UQCC1: variants seen among roughly 807,000 people sequenced by gnomAD.
UQCC1 encodes the protein ubiquinol-cytochrome c reductase complex assembly factor 1, also known as bFGF-repressed Zic-binding protein.
Under a neutral mutation model 48.0 loss-of-function variants are expected in UQCC1, and 38 were observed. That is an observed-to-expected ratio of 0.79 (90% confidence interval 0.61 to 1.04). UQCC1 has a LOEUF of 1.04. Ranked by LOEUF, UQCC1 falls within the 50% of genes least tolerant of loss-of-function variation. The pLI, the probability that UQCC1 is intolerant of heterozygous loss-of-function variation, is 0.00. For missense variants in UQCC1, 368 were observed against 381.8 expected (o/e 0.96, Z 0.30); for synonymous variants, 111 against 129.2 (o/e 0.86, Z 0.95).
intron 5 of UQCC1, among the ~76,000 whole-genome samples, chr20:35,372,197 A>AG (rs2061740976): frequency 6.6e-6 from 1 of 151,886 alleles, no homozygotes; most frequent in Non-Finnish European, 1.5e-5. Context: ...CTGTAATCCC[A>AG]GCTACTTGGG....
intron 2 of UQCC1, among the ~76,000 whole-genome samples, chr20:35,386,122 G>T (rs1464857790): frequency 6.6e-6 from 1 of 151,964 alleles, no homozygotes; most frequent in Non-Finnish European, 1.5e-5. Flanking sequence ...TGACTGCGTA[G>T]ACTGCATATG....
intron 8 of UQCC1, among the ~76,000 whole-genome samples, chr20:35,311,484 A>G (rs2060993857): frequency 6.6e-6 from 1 of 152,190 alleles, no homozygotes; most frequent in South Asian, 2.1e-4. Flanking sequence ...ATTTTATTTA[A>G]TTAATTTAAA....
intron 7 of UQCC1, among the ~76,000 whole-genome samples, chr20:35,332,786 C>CTCCAATGT (rs1248334893): frequency 6.6e-6 from 1 of 152,188 alleles, no homozygotes; most frequent in Non-Finnish European, 1.5e-5. Context: ...AAGAGAATGT[C>CTCCAATGT]CTCCAAACTC....
Position 35,366,544 on chromosome 20 carries a change from A to C in UQCC1, c.464+13T>G. Reference sequence around the variant, plus strand: ...AAATACATTTGGTGACTTCATTTAAATTGCTCACTTACCAGACGTGGAGTA... The same window carrying C: ...AAATACATTTGGTGACTTCATTTAACTTGCTCACTTACCAGACGTGGAGTA... On this transcript the variant is annotated intron_variant, in intron 6 of 9. Coordinates refer to ENST00000374385, the MANE Select transcript of UQCC1 (RefSeq NM_018244.5). 6.2e-7 allele frequency: 1 copy of C among 1,613,032 alleles called. No homozygotes were observed. The highest frequency in any genetic ancestry group is 8.5e-7 in the Non-Finnish European group (1 of 1,179,140).
intron 7 of UQCC1, among the ~76,000 whole-genome samples, chr20:35,318,934 A>G (rs1445820218): frequency 1.3e-5 from 2 of 152,148 alleles, no homozygotes; most frequent in Non-Finnish European, 2.9e-5. Context: ...ATCATTCTAT[A>G]TGGAGCACTC....
chr20:35,329,764 A>C (rs951379387), intron 7 of UQCC1, among the ~76,000 whole-genome samples: 1 of 152,218 alleles, frequency 6.6e-6, no homozygotes, highest in African/African-American at 2.4e-5. Context: ...TTAAGCCCAC[A>C]GGAGAAAAGA....
Position 35,352,774 on chromosome 20 carries a change from T to C in UQCC1, c.465-5502A>G, listed in dbSNP as rs186679880. ...CACATCTCACTGTAACCTCAAACTCTTGGACTCAAGCTATCCTCCTGCCTC... is the reference window on the plus strand; with the variant it reads ...CACATCTCACTGTAACCTCAAACTCCTGGACTCAAGCTATCCTCCTGCCTC... On this transcript the variant is annotated intron_variant, in intron 6 of 9. Transcript: ENST00000374385. Among the ~76,000 whole-genome samples, 332 of 152,292 alleles carry C rather than the reference T, an allele frequency of 2.2e-3. 12 individuals are homozygous for C. In the South Asian group the frequency reaches 0.048, roughly 22 times the overall value.
At chr20:35,310,690 C>A (rs1432498888) in intron 8 of UQCC1, among the ~76,000 whole-genome samples, 2 of 123,828 alleles carry the variant, frequency 1.6e-5, no homozygotes, top group Non-Finnish European at 1.6e-5. Context: ...TGGAAAGCTG[C>A]AGATTTTTTT....
At chr20:35,324,610 G>A (rs4911175) in intron 7 of UQCC1, among the ~76,000 whole-genome samples, 10,188 of 152,306 alleles carry the variant, frequency 0.067, 490 homozygotes, top group East Asian at 0.17. Flanking sequence ...ACAGGCGTGA[G>A]CCACCGCACC....
At chr20:35,318,103 G>C (rs2061083162) in intron 7 of UQCC1, among the ~76,000 whole-genome samples, 1 of 152,198 alleles carries the variant, frequency 6.6e-6, no homozygotes, top group South Asian at 2.1e-4. Flanking sequence ...GATGATATCA[G>C]AGGTGTCAAA....
chr20:35,337,227 C>T (rs947319593), intron 7 of UQCC1, among the ~76,000 whole-genome samples: 119 of 150,422 alleles, frequency 7.9e-4, no homozygotes, highest in African/African-American at 2.7e-3. Flanking sequence ...CTTGCTCTGT[C>T]GCCCAGGCTA....
chr20:35,339,152 C>T (rs1424519457), intron 7 of UQCC1, among the ~76,000 whole-genome samples: 2 of 151,770 alleles, frequency 1.3e-5, no homozygotes, highest in African/African-American at 2.4e-5. Flanking sequence ...CAGAGAAGAT[C>T]ATTCTTCAGT....
chr20:35,397,241 C>T (rs544738166), intron 1 of UQCC1, among the ~76,000 whole-genome samples: 7 of 150,000 alleles, frequency 4.7e-5, no homozygotes, highest in African/African-American at 1.5e-4. Flanking sequence ...TCAGGCCGGG[C>T]GCGGTAGCTC....
chr20:35,385,487 GT>G (rs2061930663), intron 2 of UQCC1, among the ~76,000 whole-genome samples: 1 of 152,084 alleles, frequency 6.6e-6, no homozygotes, highest in Non-Finnish European at 1.5e-5. Flanking sequence ...TTTTTGTTTT[GT>G]TTTTGTTGTT....
At position 35,411,791 on chromosome 20, in the gene UQCC1, C is replaced by T. The variant is rs1349297113; in HGVS notation, c.24+149G>A. ...CGGGGTAGGAAGAGGTCGGAAGCTGCCTCAGTTTCCCCACGGAAAAGCGGC... is the reference window on the plus strand; with the variant it reads ...CGGGGTAGGAAGAGGTCGGAAGCTGTCTCAGTTTCCCCACGGAAAAGCGGC... On this transcript the variant is annotated intron_variant, in intron 1 of 9. Transcript: ENST00000374385. 6.7e-6 allele frequency: 7 copies of T among 1,044,100 alleles called. No individual in the cohort carries two copies. In the Middle Eastern group the frequency reaches 6.4e-4, roughly 95 times the overall value. The allele number at this position is 1,044,100 out of a possible 1,614,324, so 64.7% of individuals were successfully genotyped here. A position where few individuals can be genotyped will look rare whatever the true frequency, so the allele number is the denominator to read the frequency against.
At chr20:35,307,657 C>G (rs1181837882) in intron 8 of UQCC1, among the ~76,000 whole-genome samples, 1 of 152,158 alleles carries the variant, frequency 6.6e-6, no homozygotes, top group African/African-American at 2.4e-5. Context: ...GAAGGGAGAT[C>G]AAGTCCTAAT....
At chr20:35,311,316 A>C (rs1383391755) in intron 8 of UQCC1, among the ~76,000 whole-genome samples, 1 of 152,320 alleles carries the variant, frequency 6.6e-6, no homozygotes, top group South Asian at 2.1e-4. Flanking sequence ...CAAAGCGTCC[A>C]GGGAGGGGGA....
chr20:35,369,994 G>C (rs1237915893), intron 5 of UQCC1, among the ~76,000 whole-genome samples: 2 of 152,100 alleles, frequency 1.3e-5, no homozygotes, highest in Non-Finnish European at 2.9e-5. Context: ...GACCACCTCT[G>C]CTCCAAAGTG....
intron 4 of UQCC1, among the ~76,000 whole-genome samples, chr20:35,380,787 G>C (rs1362326005): frequency 6.6e-6 from 1 of 152,192 alleles, no homozygotes; most frequent in African/African-American, 2.4e-5. Context: ...TACAGGTTGA[G>C]TATTCCTTAT....
Sources: allele counts gnomAD v4.1 joint callset (sites outside exome capture counted in the v4.1 genomes callset), GRCh38; gene constraint gnomAD v4.1.1; transcripts MANE v1.5; gene names NCBI Gene and HGNC (gene_info 2026-07-23, HGNC 2026-07-21).